Variants in GLIS3 observed in about 807,000 individuals in gnomAD.
The protein encoded by GLIS3 is GLIS family zinc finger 3.
Under a neutral mutation model 78.6 loss-of-function variants are expected in GLIS3, and 53 were observed. The observed-to-expected ratio is 0.67, with a 90% CI of 0.54 to 0.85. GLIS3 has a LOEUF of 0.85. Ranked by LOEUF, GLIS3 falls within the 40% of genes least tolerant of loss-of-function variation. The pLI is 0.00. For synonymous variants in GLIS3, 684 were observed against 509.9 expected, an observed-to-expected ratio of 1.34 and a Z score of -4.60; for missense variants, 1,703 against 1,231.1, an observed-to-expected ratio of 1.38 and a Z score of -5.74.
At chr9:3,894,876 T>C (rs1210811527) in intron 7 of GLIS3, among the ~76,000 whole-genome samples, 1 of 152,212 alleles carries the variant, frequency 6.6e-6, no homozygotes, top group Non-Finnish European at 1.5e-5. Flanking sequence ...TCCAGCTGTG[T>C]TAGCTCATCC....
intron 4 of GLIS3, among the ~76,000 whole-genome samples, chr9:4,063,617 A>G (rs149760906): frequency 6.6e-6 from 1 of 152,348 alleles, no homozygotes; most frequent in East Asian, 1.9e-4. Context: ...GAAGTACTGC[A>G]TATTTGCTAT....
At chr9:4,446,675 A>T in the GLIS3 span, among the ~76,000 whole-genome samples, 2 of 123,250 alleles carry the variant, frequency 1.6e-5, no homozygotes, top group South Asian at 2.8e-4. Context: ...ATGCCCGGCT[A>T]ATTTTTTTTT....
intron 2 of GLIS3, among the ~76,000 whole-genome samples, chr9:4,268,176 G>A (rs927992303): frequency 5.3e-5 from 8 of 152,184 alleles, no homozygotes; most frequent in Admixed American, 1.3e-4. Flanking sequence ...ATGACCTTGC[G>A]AAAATTACTC....
At chr9:4,240,310 G>C (rs907852124) in intron 2 of GLIS3, among the ~76,000 whole-genome samples, 3 of 152,164 alleles carry the variant, frequency 2.0e-5, no homozygotes, top group East Asian at 1.9e-4. Context: ...TCACAATAGG[G>C]TTTGCGCTCT....
chr9:3,832,645 G>C (rs908971782), intron 9 of GLIS3, among the ~76,000 whole-genome samples: 4 of 152,136 alleles, frequency 2.6e-5, no homozygotes, highest in African/African-American at 9.7e-5. Context: ...CCAGGCACAG[G>C]CAAATATGGC....
chr9:3,935,891 A>G (rs1481299949), intron 5 of GLIS3, among the ~76,000 whole-genome samples: 3 of 152,238 alleles, frequency 2.0e-5, no homozygotes, highest in Non-Finnish European at 4.4e-5. Flanking sequence ...TAGGCAAACC[A>G]TCGCATTTAT....
intron 4 of GLIS3, among the ~76,000 whole-genome samples, chr9:4,014,466 T>C (rs747472753): frequency 2.0e-5 from 3 of 152,060 alleles, no homozygotes; most frequent in Non-Finnish European, 4.4e-5. Context: ...GGTGTTTTTA[T>C]AAGAAGAGGA....
chr9:4,464,384 T>C, the GLIS3 span, among the ~76,000 whole-genome samples: 13 of 150,620 alleles, frequency 8.6e-5, no homozygotes, highest in African/African-American at 1.7e-4. Context: ...TATAATTTTA[T>C]TTTTTTAATT....
chr9:4,355,696 G>C, the GLIS3 span, among the ~76,000 whole-genome samples: 2 of 152,098 alleles, frequency 1.3e-5, no homozygotes, highest in African/African-American at 2.4e-5. Flanking sequence ...AAACCTCTTG[G>C]CTAATGTCAT....
chr9:4,196,787 C>A (rs191071498), intron 2 of GLIS3, among the ~76,000 whole-genome samples: 18 of 152,300 alleles, frequency 1.2e-4, no homozygotes, highest in Admixed American at 2.0e-4. Flanking sequence ...CAAGAACCCC[C>A]CAATTTCGGA....
At chr9:4,401,409 G>A in the GLIS3 span, among the ~76,000 whole-genome samples, 1 of 150,420 alleles carries the variant, frequency 6.6e-6, no homozygotes, top group Non-Finnish European at 1.5e-5. Flanking sequence ...ACAGGCTTAA[G>A]CCACCACGCC....
chr9:4,344,369 T>C (rs917508355), intron 2 of GLIS3, among the ~76,000 whole-genome samples: 18 of 152,228 alleles, frequency 1.2e-4, no homozygotes, highest in Admixed American at 9.8e-4. Context: ...CATTTGGCAA[T>C]TCATCAGCAG....
At chr9:3,852,115 C>A (rs7868369) in intron 9 of GLIS3, among the ~76,000 whole-genome samples, 110,803 of 151,562 alleles carry the variant, frequency 0.73, 41,595 homozygotes, top group Non-Finnish European at 0.82. Flanking sequence ...ACGGTACTCC[C>A]GCCTGGGTGA....
intron 2 of GLIS3, among the ~76,000 whole-genome samples, chr9:4,255,698 A>G (rs1347469871): frequency 2.0e-5 from 3 of 152,286 alleles, no homozygotes; most frequent in East Asian, 1.9e-4. Flanking sequence ...GTGGTTGCCA[A>G]GAGCTAGGGG....
intron 1 of GLIS3, among the ~76,000 whole-genome samples, chr9:4,286,973 C>T (rs188335917): frequency 6.6e-6 from 1 of 152,314 alleles, no homozygotes; most frequent in East Asian, 1.9e-4. Context: ...CTAAATGAGA[C>T]TATGGGGACA....
intron 9 of GLIS3, among the ~76,000 whole-genome samples, chr9:3,843,362 G>C (rs929280209): frequency 6.6e-6 from 1 of 152,070 alleles, no homozygotes; most frequent in African/African-American, 2.4e-5. Flanking sequence ...ATTATATATG[G>C]TTAGGCTTCC....
the GLIS3 span, among the ~76,000 whole-genome samples, chr9:4,359,153 C>A: frequency 0.47 from 70,959 of 151,868 alleles, 16,719 homozygotes; most frequent in Admixed American, 0.49. Flanking sequence ...TCAATTGCTG[C>A]AGTTGTTCCA....
chr9:4,286,411 T>C lies in GLIS3; in HGVS notation c.15A>G (p.Ser5=). The change falls in exon 2 of 11, where the codon TCA becomes TCG. Residue 5 remains serine (S), a synonymous_variant. Transcript: ENST00000381971. The part of the protein sequence containing the change: MNGR[S]CSMSLHRTSG... ...ATGTCCGGTGGAGACTCATGCTGCA[T>C]GATCTTCCATTCATTCTGAAAAACC... The C allele has an allele frequency of 6.2e-7, 1 of 1,614,090 alleles. No individual in the cohort carries two copies. Among genetic ancestry groups the C allele is most frequent in the East Asian group, 2.2e-5 (1 of 44,878 alleles).
At chr9:4,436,810 CAAAAAAAAAAAA>C in the GLIS3 span, among the ~76,000 whole-genome samples, 5 of 53,574 alleles carry the variant, frequency 9.3e-5, no homozygotes, top group African/African-American at 2.2e-4. Context: ...GACTGCATCT[CAAAAAAAAAAAA>C]AAAAAAAAAA....
Sources: allele counts gnomAD v4.1 joint callset (sites outside exome capture counted in the v4.1 genomes callset), GRCh38; gene constraint gnomAD v4.1.1; transcripts MANE v1.5; gene names NCBI Gene and HGNC (gene_info 2026-07-23, HGNC 2026-07-21).